CACNA1C: variants seen among roughly 807,000 people sequenced by gnomAD.
CACNA1C encodes voltage-dependent L-type calcium channel subunit alpha-1C.
CACNA1C carries 30 observed loss-of-function variants against 229.0 expected under a neutral mutation model. That is an observed-to-expected ratio of 0.13 (90% CI 0.10 to 0.18). The LOEUF is 0.18. Ranked by LOEUF, CACNA1C falls within the 10% of genes least tolerant of loss-of-function variation. The pLI is 1.00. For missense variants in CACNA1C, 1,658 were observed against 2,845.0 expected (o/e 0.58, Z 9.49); for synonymous variants, 1,114 against 1,132.5 (o/e 0.98, Z 0.33).
chr12:2,665,661 C>T lies in CACNA1C; in HGVS notation c.4479C>T (p.His1493=). 6.2e-7 allele frequency: 1 copy of T among 1,613,774 alleles called. No individual in the cohort carries two copies. Among genetic ancestry groups the T allele is most frequent in the Non-Finnish European group, 8.5e-7 (1 of 1,179,764 alleles). The change falls in exon 36 of 47, where the codon CAC becomes CAT. Residue 1493 remains histidine (H), a synonymous_variant. Coordinates refer to ENST00000399655, the MANE Select transcript of CACNA1C (RefSeq NM_000719.7). This position sits in a 1 kb window ranked among gnomAD's most constrained non-coding sequence, Gnocchi z 5.9. ...TRDWSILGPH[H]LDEFKRIWAE... ...ACTGGTCCATCCTTGGTCCCCACCA[C>T]CTGGATGAGTTTAAAAGAATCTGGG...
chr12:2,521,624 C>A (rs2099810161), intron 9 of CACNA1C, among the ~76,000 whole-genome samples: 1 of 152,228 alleles, frequency 6.6e-6, no homozygotes, highest in African/African-American at 2.4e-5. Context: ...GGATACAAAG[C>A]CGCCTTCCTC....
intron 3 of CACNA1C, among the ~76,000 whole-genome samples, chr12:2,330,269 G>A (rs187969529): frequency 1.9e-4 from 29 of 152,326 alleles, no homozygotes; most frequent in Admixed American, 3.9e-4. Context: ...CTGCGTTCTC[G>A]TAGGAAATGT....
intron 3 of CACNA1C, among the ~76,000 whole-genome samples, chr12:2,193,239 G>C (rs753589418): frequency 3.9e-4 from 60 of 152,346 alleles, no homozygotes; most frequent in South Asian, 8.3e-4. Context: ...TGGATCACTT[G>C]AACCCAGGAG....
At chr12:2,378,872 CA>C (rs2098154735) in intron 3 of CACNA1C, among the ~76,000 whole-genome samples, 2 of 151,008 alleles carry the variant, frequency 1.3e-5, no homozygotes, top group South Asian at 4.2e-4. Context: ...CTTTCTTTGC[CA>C]ATAGGCCACC....
Position 2,666,852 on chromosome 12 carries a change from C to T in CACNA1C, c.4623+70C>T. The T allele has an allele frequency of 1.1e-6, 1 of 905,600 alleles. No individual in the cohort carries two copies. The highest frequency in any genetic ancestry group is 1.4e-5 in the South Asian group (1 of 71,294). 56.1% of individuals were successfully genotyped at this position (905,600 alleles called of 1,614,324 possible). A position where few individuals can be genotyped will look rare whatever the true frequency, so the allele number is the denominator to read the frequency against. On this transcript the variant is annotated intron_variant, in intron 37 of 46. Coordinates refer to ENST00000399655, the MANE Select transcript of CACNA1C (RefSeq NM_000719.7). The surrounding 1 kb of genome is among the most constrained non-coding windows in gnomAD (Gnocchi z 5.3). ...AAGTGAAGTGCCCATTTCTTGTGAT[C>T]CTTTAAGGGAATGAACATACTAGTT...
Position 2,354,969 on chromosome 12 carries a change from G to A in CACNA1C, c.478-94007G>A, listed in dbSNP as rs776507639. ...AGTGAAATGAAGCCAAATCCTGGAG[G>A]TGCAGGTGTGAGGATGGGTCTGGGT... On this transcript the variant is annotated intron_variant, in intron 3 of 46. Transcript: ENST00000399655. This position sits in a 1 kb window ranked among gnomAD's most constrained non-coding sequence, Gnocchi z 4.6. Among the ~76,000 whole-genome samples the A allele has an allele frequency of 1.3e-5, 2 of 152,050 alleles. No individual in the cohort carries two copies. Among genetic ancestry groups the A allele is most frequent in the African/African-American group, 2.4e-5 (1 of 41,408 alleles).
rs761800226 is a variant in CACNA1C, at chr12:2,319,659, A to G, written c.478-129317A>G. 6.6e-6 allele frequency among the ~76,000 whole-genome samples: 1 copy of G among 150,874 alleles called. No homozygotes were observed. Among genetic ancestry groups the G allele is most frequent in the Non-Finnish European group, 1.5e-5 (1 of 67,674 alleles). The stretch of plus-strand genomic sequence containing the variant: ...CTCATCTTCTTCAGACATTTCTTTT[A>G]CTCTTTGGCTTGCTCTTGCTGTGTA... On this transcript the variant is annotated intron_variant, in intron 3 of 46. Coordinates refer to ENST00000399655, the MANE Select transcript of CACNA1C (RefSeq NM_000719.7). This position sits in a 1 kb window ranked among gnomAD's most constrained non-coding sequence, Gnocchi z 4.0.
chr12:2,114,988 A>G (rs2083263613), intron 1 of CACNA1C, among the ~76,000 whole-genome samples: 1 of 152,266 alleles, frequency 6.6e-6, no homozygotes, highest in South Asian at 2.1e-4. Flanking sequence ...AAGGTGAGGC[A>G]AGGAGACTAG....
chr12:2,628,855 C>A (rs191779689), intron 29 of CACNA1C, among the ~76,000 whole-genome samples: 3 of 152,260 alleles, frequency 2.0e-5, no homozygotes, highest in Non-Finnish European at 4.4e-5. Context: ...CAGAGAGAGA[C>A]CCTGTCTTTA....
At chr12:2,464,927 A>G (rs902524939) in intron 5 of CACNA1C, among the ~76,000 whole-genome samples, 6 of 152,226 alleles carry the variant, frequency 3.9e-5, no homozygotes, top group African/African-American at 1.4e-4. Context: ...AAAGCCTTAC[A>G]ACATGCTGGT....
Position 2,135,415 on chromosome 12 carries a change from GT to G in CACNA1C, c.477+14991del, listed in dbSNP as rs1312334441. 9.9e-4 allele frequency among the ~76,000 whole-genome samples: 142 copies of G among 143,086 alleles called. 4 individuals are homozygous for G. In the Middle Eastern group the frequency reaches 0.02, roughly 21 times the overall value. 93.9% of individuals were successfully genotyped at this position (143,086 alleles called of 152,430 possible). A position where few individuals can be genotyped will look rare whatever the true frequency, so the allele number is the denominator to read the frequency against. On this transcript the variant is annotated intron_variant, in intron 3 of 46. Transcript: ENST00000399655. ...TTAGAGCTTCCAGTTTTTCTGTTCT[GT>G]TTTTTCCCCATCTTTGTGGTTTTAT...
chr12:2,596,332 C>T, intron 20 of CACNA1C: 2 of 220,452 alleles, frequency 9.1e-6, no homozygotes, highest in Non-Finnish European at 1.8e-5. Context: ...CTCCCTTGCT[C>T]CCAGCATGCT....
intron 3 of CACNA1C, among the ~76,000 whole-genome samples, chr12:2,321,034 A>G (rs753679198): frequency 3.9e-5 from 6 of 152,214 alleles, no homozygotes; most frequent in South Asian, 2.1e-4. Context: ...GCTGCAGCCT[A>G]TAATCACGTA....
chr12:2,648,160 A>C (rs1182538332), intron 30 of CACNA1C, among the ~76,000 whole-genome samples: 2 of 152,060 alleles, frequency 1.3e-5, no homozygotes, highest in Non-Finnish European at 2.9e-5. Context: ...CAAACAAAAA[A>C]ATTATAAACC....
intron 8 of CACNA1C, among the ~76,000 whole-genome samples, chr12:2,510,014 G>A (rs1042585202): frequency 6.6e-6 from 1 of 152,186 alleles, no homozygotes; most frequent in African/African-American, 2.4e-5. Context: ...CTATTGGTTG[G>A]ATTCCACACA....
chr12:2,136,760 C>T (rs551116998), intron 3 of CACNA1C, among the ~76,000 whole-genome samples: 6 of 151,320 alleles, frequency 4.0e-5, no homozygotes, highest in Non-Finnish European at 8.9e-5. Context: ...GAGAGGTAGA[C>T]TTGGCTTTGA....
intron 3 of CACNA1C, among the ~76,000 whole-genome samples, chr12:2,364,138 C>T (rs1049100915): frequency 1.3e-5 from 2 of 152,206 alleles, no homozygotes; most frequent in East Asian, 1.9e-4. Flanking sequence ...CAGACCTAAA[C>T]GAGAGGTGAG....
intron 3 of CACNA1C, among the ~76,000 whole-genome samples, chr12:2,214,859 A>G (rs1405597916): frequency 6.6e-6 from 1 of 151,378 alleles, no homozygotes; most frequent in East Asian, 1.9e-4. Flanking sequence ...CTTCTAGTCT[A>G]TGCTTCTGCT....
At chr12:2,232,220 T>C (rs955878555) in intron 3 of CACNA1C, among the ~76,000 whole-genome samples, 1 of 146,816 alleles carries the variant, frequency 6.8e-6, no homozygotes, top group Non-Finnish European at 1.5e-5. Flanking sequence ...GTTCTCAGTC[T>C]TTCCTTGTTT....
Sources: gnomAD v4.1 joint callset for allele counts (sites outside exome capture counted in the v4.1 genomes callset) on GRCh38, gnomAD v4.1.1 for gene constraint, Gnocchi (gnomAD v3.1) non-coding constraint, MANE v1.5 for transcripts, NCBI Gene and HGNC (gene_info 2026-07-23, HGNC 2026-07-21) for gene names.